The following RGS7 variants were observed in gnomAD, a reference collection of about 807,000 sequenced individuals.
RGS7 encodes the protein regulator of G-protein signaling 7.
Under a neutral mutation model 81.1 loss-of-function variants are expected in RGS7, and 27 were observed. The observed-to-expected ratio is 0.33, with a 90% CI of 0.25 to 0.46. The LOEUF is 0.46. Among genes scored for constraint, RGS7 ranks in the 20% least tolerant of loss-of-function variants. The pLI is 1.00. For missense variants in RGS7, 396 were observed against 607.4 expected (o/e 0.65, Z 3.66); for synonymous variants, 208 against 207.7 (o/e 1.00, Z -0.01).
At chr1:240,998,464 G>C in intron 3 of RGS7, 1 of 953,936 alleles carries the variant, frequency 1.0e-6, no homozygotes, top group Middle Eastern at 3.5e-4. Flanking sequence ...AAAGACCAAA[G>C]CCCATGTCAC....
chr1:241,306,270 TAC>T (rs150529708), intron 2 of RGS7, among the ~76,000 whole-genome samples: 18 of 147,756 alleles, frequency 1.2e-4, no homozygotes, highest in African/African-American at 4.0e-4. Context: ...TCCACACACA[TAC>T]ACACACACCC....
chr1:241,128,777 C>CAAAAA (rs71172680), intron 2 of RGS7, among the ~76,000 whole-genome samples: 5 of 77,950 alleles, frequency 6.4e-5, no homozygotes, highest in Admixed American at 1.6e-4. Flanking sequence ...GAATAATAGG[C>CAAAAA]AAAAAAAAAA....
intron 6 of RGS7, among the ~76,000 whole-genome samples, chr1:240,887,507 C>T (rs1239716965): frequency 6.6e-6 from 1 of 152,058 alleles, no homozygotes; most frequent in Non-Finnish European, 1.5e-5. Context: ...GGATTACAGG[C>T]GTGAGAGTAT....
chr1:241,305,360 G>T (rs2080026517), intron 2 of RGS7, among the ~76,000 whole-genome samples: 1 of 152,082 alleles, frequency 6.6e-6, no homozygotes, highest in African/African-American at 2.4e-5. Context: ...ATGCCCTCGT[G>T]GGTTCAGGCA....
chr1:240,872,239 G>A (rs1398448159), intron 6 of RGS7, among the ~76,000 whole-genome samples: 1 of 152,128 alleles, frequency 6.6e-6, no homozygotes, highest in Non-Finnish European at 1.5e-5. Flanking sequence ...GCTATTTCGA[G>A]GTCAAATCAA....
intron 9 of RGS7, among the ~76,000 whole-genome samples, chr1:240,851,044 C>T (rs1221243943): frequency 6.6e-6 from 1 of 152,176 alleles, no homozygotes; most frequent in Non-Finnish European, 1.5e-5. Flanking sequence ...GCAAGTTATC[C>T]AGATCTAGCT....
At chr1:240,776,468 C>A (rs1048306123) in intron 18 of RGS7, among the ~76,000 whole-genome samples, 2 of 147,882 alleles carry the variant, frequency 1.4e-5, no homozygotes, top group Non-Finnish European at 3.0e-5. Flanking sequence ...CCACTGCAAA[C>A]AGACTGATGG....
rs374323610 is a variant in RGS7 at position 240,939,798 on chromosome 1, C to T, written c.227-3092G>A. Among the ~76,000 whole-genome samples the T allele has an allele frequency of 5.7e-4, 86 of 152,092 alleles. 1 individual carries two copies. The highest frequency in any genetic ancestry group is 5.0e-3 in the South Asian group (24 of 4,808). On this transcript the variant is annotated intron_variant, in intron 4 of 18. Coordinates refer to ENST00000440928, the MANE Select transcript of RGS7 (RefSeq NM_001364886.1). ...ATGAACCTGAATAAAGGGCTGGATG[C>T]GGTGGCTCATGCCTGTAATCCCAGC...
chr1:241,184,024 C>T (rs1361738792), intron 2 of RGS7, among the ~76,000 whole-genome samples: 1 of 152,156 alleles, frequency 6.6e-6, no homozygotes, highest in Non-Finnish European at 1.5e-5. Context: ...AGTAGCTCAC[C>T]TGTGGATCCT....
chr1:240,998,920 C>T, intron 3 of RGS7: 4 of 360,430 alleles, frequency 1.1e-5, no homozygotes, highest in South Asian at 9.6e-5. Context: ...TTTCATAACT[C>T]CAATGGCACC....
At chr1:240,902,571 G>A (rs115627222) in intron 6 of RGS7, among the ~76,000 whole-genome samples, 1 of 152,028 alleles carries the variant, frequency 6.6e-6, no homozygotes, top group Non-Finnish European at 1.5e-5. Context: ...CTATTCAACT[G>A]CCATATATGC....
chr1:241,335,435 A>G (rs959428246), intron 2 of RGS7, among the ~76,000 whole-genome samples: 1 of 152,206 alleles, frequency 6.6e-6, no homozygotes, highest in African/African-American at 2.4e-5. Context: ...CAAGTTCCAC[A>G]GCAAACTGCA....
chr1:240,783,264 A>G (rs1413034359), intron 18 of RGS7, among the ~76,000 whole-genome samples: 1 of 152,144 alleles, frequency 6.6e-6, no homozygotes, highest in Non-Finnish European at 1.5e-5. Context: ...ATAACAACCT[A>G]TGTATTTGTC....
chr1:240,836,329 G>T (rs1694734130), intron 9 of RGS7, among the ~76,000 whole-genome samples: 1 of 152,278 alleles, frequency 6.6e-6, no homozygotes, highest in Non-Finnish European at 1.5e-5. Flanking sequence ...TTATCAGGGT[G>T]GGAACAGGGC....
intron 1 of RGS7, among the ~76,000 whole-genome samples, chr1:241,356,505 G>A (rs2083581413): frequency 6.6e-6 from 1 of 152,148 alleles, no homozygotes; most frequent in Non-Finnish European, 1.5e-5. Flanking sequence ...AATATGTCCC[G>A]GCAACAAGAA....
At chr1:240,876,889 A>G (rs1229733002) in intron 6 of RGS7, among the ~76,000 whole-genome samples, 1 of 152,158 alleles carries the variant, frequency 6.6e-6, no homozygotes, top group Non-Finnish European at 1.5e-5. Flanking sequence ...TAAACCCAGG[A>G]GGCAGAGGTT....
intron 2 of RGS7, among the ~76,000 whole-genome samples, chr1:241,131,365 A>G (rs2067085164): frequency 6.6e-6 from 1 of 152,222 alleles, no homozygotes; most frequent in Non-Finnish European, 1.5e-5. Context: ...TTTGCATCAG[A>G]ATCACCAACA....
At chr1:241,005,075 G>A (rs1475871966) in intron 3 of RGS7, among the ~76,000 whole-genome samples, 1 of 152,142 alleles carries the variant, frequency 6.6e-6, no homozygotes, top group African/African-American at 2.4e-5. Flanking sequence ...AACACAGACT[G>A]AGAGAGAAGG....
At chr1:240,857,036 A>G (rs1281155202) in intron 9 of RGS7, among the ~76,000 whole-genome samples, 1 of 152,196 alleles carries the variant, frequency 6.6e-6, no homozygotes, top group African/African-American at 2.4e-5. Context: ...CAGTGGAACA[A>G]CCATCAGCTT....
Sources: gnomAD v4.1 joint callset for allele counts (sites outside exome capture counted in the v4.1 genomes callset) on GRCh38, gnomAD v4.1.1 for gene constraint, MANE v1.5 for transcripts, NCBI Gene and HGNC (gene_info 2026-07-23, HGNC 2026-07-21) for gene names.